Variants in PRR14 observed in about 807,000 individuals in gnomAD.
The protein encoded by PRR14 is proline-rich protein 14.
PRR14 carries 33 observed loss-of-function variants against 57.2 expected under a neutral mutation model. The ratio of observed to expected loss-of-function variants is 0.58; its 90% CI spans 0.44 to 0.77. The LOEUF (loss-of-function observed/expected upper bound fraction) is 0.77. Among genes scored for constraint, PRR14 ranks in the 30% least tolerant of loss-of-function variants. The pLI, the probability that PRR14 is intolerant of heterozygous loss-of-function variation, is 0.00. For missense variants in PRR14, 716 were observed against 788.1 expected (o/e 0.91, Z 1.10); for synonymous variants, 303 against 314.7 (o/e 0.96, Z 0.39).
rs2052363619 is a variant in PRR14 at position 30,655,667 on chromosome 16, G to A, written c.1406+74G>A. On this transcript the variant is annotated intron_variant, in intron 10 of 11. Coordinates refer to ENST00000300835, the MANE Select transcript of PRR14 (RefSeq NM_024031.5). This position sits in a 1 kb window ranked among gnomAD's most constrained non-coding sequence, Gnocchi z 4.6. ...CTTATGTCCCCTGAAGTATAGCTTTGTCTCCCCTCAGGGAGCACAGTCCAG... is the reference window on the plus strand; with the variant it reads ...CTTATGTCCCCTGAAGTATAGCTTTATCTCCCCTCAGGGAGCACAGTCCAG... 7 of 1,450,902 alleles carry A rather than the reference G, an allele frequency of 4.8e-6. No individual in the cohort carries two copies. Among genetic ancestry groups the A allele is most frequent in the African/African-American group, 1.4e-5 (1 of 71,584 alleles). The allele number at this position is 1,450,902 out of a possible 1,614,324, so 89.9% of individuals were successfully genotyped here.
rs201904781 is a variant in PRR14, at chr16:30,656,307, C to A, written c.1754C>A (p.Thr585Asn). The change falls in exon 12 of 12, where the codon ACC (threonine) becomes AAC (asparagine). Residue 585 changes from threonine to asparagine, a missense_variant. Transcript: ENST00000300835. The stretch of plus-strand genomic sequence containing the variant: ...GTAGATCGGGAGCAGCCCCACTGGA[C>A]CTAGGTGCCCCATCTGTTGGTCATC... ...ETVDREQPHW[T>N] The A allele has an allele frequency of 1.4e-5, 22 of 1,608,958 alleles. No individual in the cohort carries two copies. Among genetic ancestry groups the A allele is most frequent in the Middle Eastern group, 1.7e-4 (1 of 6,050 alleles).
rs373064333 is a variant in PRR14, at chr16:30,655,960, G to C, written c.1478+21G>C. The C allele has an allele frequency of 3.5e-5, 56 of 1,612,220 alleles. 1 individual carries two copies. The Middle Eastern group carries it at 2.8e-3, about 81-fold the overall frequency. ...AGGAGGTGAGACACTTGGAAGGCTA[G>C]AGGGTGGCAGAGGGAAATCTGGAGC... On this transcript the variant is annotated intron_variant, in intron 11 of 11. Coordinates refer to ENST00000300835, the MANE Select transcript of PRR14 (RefSeq NM_024031.5). This position sits in a 1 kb window ranked among gnomAD's most constrained non-coding sequence, Gnocchi z 4.6.
Position 30,654,982 on chromosome 16 carries a change from G to A in PRR14, c.1012G>A (p.Gly338Arg). The A allele has an allele frequency of 6.2e-7, 1 of 1,610,810 alleles. No individual in the cohort carries two copies. Among genetic ancestry groups the A allele is most frequent in the South Asian group, 1.1e-5 (1 of 91,072 alleles). The change falls in exon 8 of 12, where the codon GGG becomes AGG. Residue 338 changes from glycine to arginine, a missense_variant. Physicochemically the swap from Gly to Arg is moderately radical, Grantham distance 125 (BLOSUM62 -2). Transcript: ENST00000300835. The stretch of plus-strand genomic sequence containing the variant: ...CCGAAGCTACTCCTGCCCTGATCTG[G>A]GGCCCCCTGGCCCAGGTACCTGCAC... ...LGRSYSCPDL[G>R]PPGPGTCTWP...
In PRR14 at chr16:30,651,276, C is replaced by A. The variant is rs904225646; in HGVS notation, c.-51+149C>A. On this transcript the variant is annotated intron_variant, in intron 1 of 11. Transcript: ENST00000300835. The surrounding 1 kb of genome is among the most constrained non-coding windows in gnomAD (Gnocchi z 5.0). Reference sequence around the variant, plus strand: ...TCCAGCGGAAATAGCCTCCCAGGACCGGGATCCCCGTGGATCCCGGGGGAT... The same window carrying A: ...TCCAGCGGAAATAGCCTCCCAGGACAGGGATCCCCGTGGATCCCGGGGGAT... 3 of 329,684 alleles carry A rather than the reference C, an allele frequency of 9.1e-6. No individual in the cohort carries two copies. The highest frequency in any genetic ancestry group is 7.1e-5 in the East Asian group (1 of 14,110). 20.4% of individuals were successfully genotyped at this position (329,684 alleles called of 1,614,324 possible).
In PRR14 at chr16:30,654,664, C is replaced by G; in HGVS notation, c.694C>G (p.Pro232Ala). 6.2e-7 allele frequency: 1 copy of G among 1,612,258 alleles called. No individual in the cohort carries two copies. Among genetic ancestry groups the G allele is most frequent in the Middle Eastern group, 1.7e-4 (1 of 6,050 alleles). ...TGCTCTGGAGCTCCCATCCACCCCA[C>G]CACCGTCCAGCCTTTTACGCCCCCG... is the stretch of plus-strand genomic sequence containing the variant. Reference protein sequence around the residue: ...DPALELPSTPPPSSLLRPRLS... With the variant: ...DPALELPSTPAPSSLLRPRLS... Residue 232 changes from proline to alanine, a missense_variant, in exon 8 of 12, where the codon CCA becomes GCA. Physicochemically the swap from Pro to Ala is conservative, Grantham distance 27 (BLOSUM62 -1). Coordinates refer to ENST00000300835, the MANE Select transcript of PRR14 (RefSeq NM_024031.5).
chr16:30,651,725 C>G lies in PRR14; in HGVS notation c.23+57C>G. On this transcript the variant is annotated intron_variant, in intron 2 of 11. Coordinates refer to ENST00000300835, the MANE Select transcript of PRR14 (RefSeq NM_024031.5). This position sits in a 1 kb window ranked among gnomAD's most constrained non-coding sequence, Gnocchi z 5.0. ...TGACCCCGGGAGATGGGGATCCTGG[C>G]GACCGTGCCGGGAAACTACAGAGCC... 6.2e-7 allele frequency: 1 copy of G among 1,611,918 alleles called. No individual in the cohort carries two copies. The highest frequency in any genetic ancestry group is 8.5e-7 in the Non-Finnish European group (1 of 1,179,626).
At position 30,654,303 on chromosome 16, in the gene PRR14, G is replaced by C. The variant is rs114820433; in HGVS notation, c.622G>C (p.Ala208Pro). The change falls in exon 7 of 12, where the codon GCT (alanine) becomes CCT (proline). Residue 208 changes from alanine to proline, a missense_variant. Coordinates refer to ENST00000300835, the MANE Select transcript of PRR14 (RefSeq NM_024031.5). ...GDLEPPFQPS[A>P]LPADPLESPP... The stretch of plus-strand genomic sequence containing the variant: ...CCTAGAACCCCCATTCCAGCCATCT[G>C]CTCTGCCTGCAGACCCTCTGGAGAG... 3.2e-5 allele frequency: 52 copies of C among 1,613,944 alleles called. No homozygotes were observed. The highest frequency in any genetic ancestry group is 4.0e-5 in the Non-Finnish European group (47 of 1,179,976).
chr16:30,653,129 C>A, intron 5 of PRR14, 26 bp downstream of exon 5: 1 of 1,569,584 alleles, frequency 6.4e-7, no homozygotes, highest in South Asian at 1.2e-5. Flanking sequence ...GTACGGATGT[C>A]AAGGGTTCTG....
rs749069115 is a variant in PRR14 at position 30,652,977 on chromosome 16, C to A, written c.378C>A (p.Thr126=). Residue 126 remains threonine, a synonymous_variant, in exon 5 of 12, where the codon ACC becomes ACA. Transcript: ENST00000300835. ...PLSRIHRTSS[T]LRRRSRTTPG... ...GCCGCATCCACCGGACCTCTTCCAC[C>A]CTGAGGCGGCGATCAAGGACAACCC... The A allele has an allele frequency of 6.8e-6, 11 of 1,614,172 alleles. No individual in the cohort carries two copies. Among genetic ancestry groups the A allele is most frequent in the Middle Eastern group, 1.6e-4 (1 of 6,062 alleles).
At position 30,654,660 on chromosome 16, in the gene PRR14, C is replaced by T. The variant is rs927790034; in HGVS notation, c.690C>T (p.Thr230=). ...APDPALELPS[T]PPPSSLLRPR... is the part of the protein sequence containing the mutation. ...ATCCTGCTCTGGAGCTCCCATCCAC[C>T]CCACCACCGTCCAGCCTTTTACGCC... is the stretch of plus-strand genomic sequence containing the variant. Residue 230 remains threonine, a synonymous_variant, in exon 8 of 12, where the codon ACC becomes ACT. Transcript: ENST00000300835. 1.9e-6 allele frequency: 3 copies of T among 1,611,604 alleles called. No homozygotes were observed. The highest frequency in any genetic ancestry group is 1.7e-6 in the Non-Finnish European group (2 of 1,178,632).
Position 30,651,623 on chromosome 16 carries a change from C to A in PRR14, c.-23C>A, listed in dbSNP as rs770849573. 4 of 1,587,812 alleles carry A rather than the reference C, an allele frequency of 2.5e-6. No individual in the cohort carries two copies. Among genetic ancestry groups the A allele is most frequent in the Non-Finnish European group, 2.6e-6 (3 of 1,166,898 alleles). ...CGCAGCCTGGGATTCCCCAGGGACC[C>A]CCCCGGAGCCGCCGCGTCTCCCATG... is the stretch of plus-strand genomic sequence containing the variant. On this transcript the variant is annotated 5_prime_UTR_variant, in exon 2 of 12. Transcript: ENST00000300835. This position sits in a 1 kb window ranked among gnomAD's most constrained non-coding sequence, Gnocchi z 5.0.
In PRR14 at chr16:30,656,267, C is replaced by T; in HGVS notation, c.1714C>T (p.Leu572=). 1 of 1,613,054 alleles carries T rather than the reference C, an allele frequency of 6.2e-7. No individual in the cohort carries two copies. The highest frequency in any genetic ancestry group is 8.5e-7 in the Non-Finnish European group (1 of 1,179,988). ...QRLEELDALL[L]EEETVDREQP... is the part of the protein sequence containing the mutation. ...GCTGGAGGAGCTAGATGCCTTGCTC[C>T]TGGAGGAAGAAACAGTAGATCGGGA... Residue 572 remains leucine, a synonymous_variant, in exon 12 of 12, where the codon CTG becomes TTG. Coordinates refer to ENST00000300835, the MANE Select transcript of PRR14 (RefSeq NM_024031.5).
rs770401738 is a variant in PRR14 at position 30,656,179 on chromosome 16, G to A, written c.1626G>A (p.Gly542=). Residue 542 remains glycine, a synonymous_variant, in exon 12 of 12, where the codon GGG becomes GGA. Transcript: ENST00000300835. ...RRPSRGVRAA[G]GRTVPPNVAP... is the part of the protein sequence containing the mutation. The stretch of plus-strand genomic sequence containing the variant: ...CGTCCCGTGGGGTCCGGGCTGCAGG[G>A]GGCAGGACTGTTCCTCCCAATGTGG... 43 of 1,609,332 alleles carry A rather than the reference G, an allele frequency of 2.7e-5. 1 individual carries two copies. The South Asian group carries it at 4.4e-4, about 17-fold the overall frequency.
rs576065826 is a variant in PRR14, at chr16:30,656,367, A to T, written c.*56A>T. On this transcript the variant is annotated 3_prime_UTR_variant, in exon 12 of 12. Transcript: ENST00000300835. ...GGGACAGGAAACCTCCCAGGCAGTT[A>T]TTTTTTTTTCTCTATATTTCTAGTA... 2 of 1,473,188 alleles carry T rather than the reference A, an allele frequency of 1.4e-6. No individual in the cohort carries two copies. Among genetic ancestry groups the T allele is most frequent in the African/African-American group, 1.4e-5 (1 of 69,874 alleles). The allele number at this position is 1,473,188 out of a possible 1,614,324, so 91.3% of individuals were successfully genotyped here.
intron 6 of PRR14, 138 bp downstream of exon 6, chr16:30,653,546 C>T: frequency 1.1e-6 from 1 of 887,852 alleles, no homozygotes; most frequent in South Asian, 1.6e-5. Flanking sequence ...GCCGGGCACG[C>T]CCATGCCTAA....
In PRR14 at chr16:30,655,389, A is replaced by ATTTG; in HGVS notation, c.1283_1284insTTTG (p.Lys428AsnfsTer10). ...AAAGGGAAGGAGCCAAGAGCCTCAA[A>ATTTG]GGACCAGGTGCTTTCAGAACCTGAG... On this transcript the variant is annotated frameshift_variant, in exon 9 of 12. Transcript: ENST00000300835. LOFTEE classifies it high-confidence loss of function. The surrounding 1 kb of genome is among the most constrained non-coding windows in gnomAD (Gnocchi z 4.6). The ATTTG allele has an allele frequency of 6.2e-7, 1 of 1,614,114 alleles. No individual in the cohort carries two copies.
At chr16:30,656,001 T>G in intron 11 of PRR14, 31 bp from the exon 12 acceptor site, 3 of 1,595,792 alleles carry the variant, frequency 1.9e-6, no homozygotes, top group Non-Finnish European at 2.6e-6. Flanking sequence ...AGCACCCTGA[T>G]AAAACCAGCT....
rs1378622909 is a variant in PRR14 at position 30,656,222 on chromosome 16, G to A, written c.1669G>A (p.Gly557Ser). 6.2e-7 allele frequency: 1 copy of A among 1,613,564 alleles called. No individual in the cohort carries two copies. The highest frequency in any genetic ancestry group is 1.7e-4 in the Middle Eastern group (1 of 6,060). The change falls in exon 12 of 12, where the codon GGC (glycine) becomes AGC (serine). Residue 557 changes from glycine to serine, a missense_variant. Transcript: ENST00000300835. ...CAATGTGGCCCCCAGCCCTGATGTG[G>A]GCCCCCTGCTCCAGCAGCGGCTGGA... ...PPNVAPSPDV[G>S]PLLQQRLEEL... is the part of the protein sequence containing the mutation.
Position 30,655,979 on chromosome 16 carries a change from C to G in PRR14, c.1478+40C>G, listed in dbSNP as rs142002529. On this transcript the variant is annotated intron_variant, in intron 11 of 11. Transcript: ENST00000300835. This position sits in a 1 kb window ranked among gnomAD's most constrained non-coding sequence, Gnocchi z 4.6. ...AGGCTAGAGGGTGGCAGAGGGAAAT[C>G]TGGAGCTGTGGAGCACCCTGATAAA... 15,191 of 1,608,812 alleles carry G rather than the reference C, an allele frequency of 9.4e-3. 133 individuals carry two copies. Among genetic ancestry groups the G allele is most frequent in the Middle Eastern group, 0.071 (426 of 6,030 alleles).
Sources: allele counts gnomAD v4.1 joint callset, GRCh38; gene constraint gnomAD v4.1.1; non-coding constraint Gnocchi (gnomAD v3.1); transcripts MANE v1.5; gene names NCBI Gene and HGNC (gene_info 2026-07-23, HGNC 2026-07-21).